PRKCQ: variants seen among roughly 807,000 people sequenced by gnomAD.
PRKCQ encodes the protein protein kinase C theta, also known as protein kinase C theta type.
A neutral mutation model predicts 91.2 loss-of-function variants in PRKCQ; 41 were observed. The ratio of observed to expected loss-of-function variants is 0.45; its 90% confidence interval spans 0.35 to 0.58. PRKCQ has a LOEUF of 0.58. PRKCQ is among the 20% of genes least tolerant of loss of function. The pLI is 0.00. For missense variants in PRKCQ, 673 were observed against 896.5 expected (o/e 0.75, Z 3.18); for synonymous variants, 307 against 316.9 (o/e 0.97, Z 0.33).
At chr10:6,444,468 T>C (rs564645852) in intron 15 of PRKCQ, among the ~76,000 whole-genome samples, 1 of 152,264 alleles carries the variant, frequency 6.6e-6, no homozygotes, top group Admixed American at 6.5e-5. Context: ...TAGTGGCACA[T>C]AAAATTTTTT....
At chr10:6,537,241 A>G (rs1382973760) in intron 1 of PRKCQ, among the ~76,000 whole-genome samples, 1 of 152,200 alleles carries the variant, frequency 6.6e-6, no homozygotes, top group Non-Finnish European at 1.5e-5. Flanking sequence ...AAAAGGACTG[A>G]AACCAATAAG....
At chr10:6,452,544 A>G (rs566850325) in intron 15 of PRKCQ, among the ~76,000 whole-genome samples, 15 of 150,822 alleles carry the variant, frequency 9.9e-5, no homozygotes, top group African/African-American at 3.7e-4. Context: ...GCTACCAATG[A>G]CTTTCTTCAC....
At chr10:6,469,131 C>T (rs999056886) in intron 12 of PRKCQ, among the ~76,000 whole-genome samples, 1 of 152,166 alleles carries the variant, frequency 6.6e-6, no homozygotes, top group African/African-American at 2.4e-5. Flanking sequence ...AGATTTGGAG[C>T]GAGTGTGCAG....
chr10:6,430,686 G>A lies in PRKCQ; in HGVS notation c.1965+124C>T, dbSNP rs1228304552. On this transcript the variant is annotated intron_variant, in intron 17 of 17. Coordinates refer to ENST00000263125, the MANE Select transcript of PRKCQ (RefSeq NM_006257.5). This position sits in a 1 kb window ranked among gnomAD's most constrained non-coding sequence, Gnocchi z 4.7. ...GTTAGAGACGTGCATTCCTCCTGGA[G>A]AGTGGGGCTGGTGGGGAGTTGGGGC... The A allele has an allele frequency of 2.9e-6, 4 of 1,373,966 alleles. No individual in the cohort carries two copies. The highest frequency in any genetic ancestry group is 4.0e-6 in the Non-Finnish European group (4 of 1,000,692). 85.1% of individuals were successfully genotyped at this position (1,373,966 alleles called of 1,614,324 possible). A position where few individuals can be genotyped will look rare whatever the true frequency, so the allele number is the denominator to read the frequency against.
chr10:6,486,993 A>T (rs1836964160), intron 8 of PRKCQ, among the ~76,000 whole-genome samples: 1 of 152,148 alleles, frequency 6.6e-6, no homozygotes, highest in Admixed American at 6.5e-5. Context: ...TCAGCTTTGA[A>T]AAAAAAATCA....
intron 8 of PRKCQ, among the ~76,000 whole-genome samples, chr10:6,486,700 C>T (rs1836940577): frequency 6.6e-6 from 1 of 152,234 alleles, no homozygotes; most frequent in African/African-American, 2.4e-5. Flanking sequence ...GCCAAGAACT[C>T]TCCTGGGCTA....
chr10:6,430,095 T>C lies in PRKCQ; in HGVS notation c.1965+715A>G, dbSNP rs1283814914. ...ACCTCGAACTCCTGACCTCAGGTGA[T>C]CCACCCGCCTCGGCTTTCCAAAGTG... is the stretch of plus-strand genomic sequence containing the variant. On this transcript the variant is annotated intron_variant, in intron 17 of 17. Coordinates refer to ENST00000263125, the MANE Select transcript of PRKCQ (RefSeq NM_006257.5). The surrounding 1 kb of genome is among the most constrained non-coding windows in gnomAD (Gnocchi z 4.7). Among the ~76,000 whole-genome samples, 1 of 152,178 alleles carries C rather than the reference T, an allele frequency of 6.6e-6. No individual in the cohort carries two copies. Among genetic ancestry groups the C allele is most frequent in the Non-Finnish European group, 1.5e-5 (1 of 68,028 alleles).
chr10:6,442,695 C>T (rs1834036761), intron 15 of PRKCQ, among the ~76,000 whole-genome samples: 1 of 152,192 alleles, frequency 6.6e-6, no homozygotes, highest in African/African-American at 2.4e-5. Flanking sequence ...GGTGCAGTGG[C>T]TCACTCCTGT....
chr10:6,555,138 G>GA (rs1840361652), intron 1 of PRKCQ, among the ~76,000 whole-genome samples: 1 of 151,980 alleles, frequency 6.6e-6, no homozygotes, highest in Non-Finnish European at 1.5e-5. Context: ...AGGTGGGAGG[G>GA]GGGGGGTCTA....
chr10:6,410,095 C>T, the PRKCQ span, among the ~76,000 whole-genome samples: 1 of 152,200 alleles, frequency 6.6e-6, no homozygotes, highest in African/African-American at 2.4e-5. Flanking sequence ...ACGAATGTCT[C>T]CACGCTCTTC....
chr10:6,395,054 G>GTTTTTTTTT, the PRKCQ span, among the ~76,000 whole-genome samples: 169 of 129,922 alleles, frequency 1.3e-3, 3 homozygotes, highest in African/African-American at 3.8e-3. Context: ...GGAAGCTGGA[G>GTTTTTTTTT]TCTTTTTTTT....
intron 1 of PRKCQ, among the ~76,000 whole-genome samples, chr10:6,523,129 C>CA (rs1225600148): frequency 6.6e-6 from 1 of 152,128 alleles, no homozygotes; most frequent in Non-Finnish European, 1.5e-5. Flanking sequence ...CTTTCACCAA[C>CA]AAAAATGATC....
the PRKCQ span, among the ~76,000 whole-genome samples, chr10:6,399,586 G>T: frequency 7.3e-3 from 1,118 of 152,170 alleles, 49 homozygotes; most frequent in East Asian, 6.0e-3. Flanking sequence ...GGAAGGTCAA[G>T]AGGCAGAAGA....
intron 15 of PRKCQ, among the ~76,000 whole-genome samples, chr10:6,451,622 C>T (rs985635778): frequency 2.6e-5 from 4 of 151,848 alleles, no homozygotes; most frequent in Non-Finnish European, 5.9e-5. Context: ...GAGACACAAC[C>T]AAAAAAGAGA....
chr10:6,511,473 C>T (rs899982967), intron 2 of PRKCQ, among the ~76,000 whole-genome samples: 1 of 152,174 alleles, frequency 6.6e-6, no homozygotes, highest in Non-Finnish European at 1.5e-5. Flanking sequence ...ACCAAAACAC[C>T]AGGCATTCTA....
chr10:6,540,765 A>G (rs1839748334), intron 1 of PRKCQ, among the ~76,000 whole-genome samples: 1 of 152,224 alleles, frequency 6.6e-6, no homozygotes, highest in African/African-American at 2.4e-5. Context: ...GAATTGCTAG[A>G]TCATGTGGTA....
chr10:6,406,823 C>T, the PRKCQ span, among the ~76,000 whole-genome samples: 11 of 152,178 alleles, frequency 7.2e-5, no homozygotes, highest in Non-Finnish European at 2.9e-5. Context: ...CACTTTTAAA[C>T]GATACTTTTC....
chr10:6,457,660 G>A (rs75659444), intron 14 of PRKCQ, among the ~76,000 whole-genome samples: 3,452 of 152,204 alleles, frequency 0.023, 104 homozygotes, highest in African/African-American at 0.065. Context: ...ACTTGGCTCA[G>A]AATGAAGCCA....
rs11258747 is a variant in PRKCQ, at chr10:6,430,929, G to C, written c.1846C>G (p.Arg616Gly). ...ACGCCCAGCCTCTTCTCAGGTTCTC[G>C]CACGAAGAGCTGAAAGGGAGCAGAG... ...AKDLLVKLFVREPEKRLGVRG... is the reference protein window; with the variant it reads ...AKDLLVKLFVGEPEKRLGVRG... The change falls in exon 17 of 18, where the codon CGA (arginine) becomes GGA (glycine). Residue 616 changes from arginine to glycine, a missense_variant. Physicochemically the swap from Arg to Gly is moderately radical, Grantham distance 125 (BLOSUM62 -2). Transcript: ENST00000263125. The surrounding 1 kb of genome is among the most constrained non-coding windows in gnomAD (Gnocchi z 4.7). 1.2e-6 allele frequency: 2 copies of C among 1,613,764 alleles called. No individual in the cohort carries two copies. Among genetic ancestry groups the C allele is most frequent in the Non-Finnish European group, 8.5e-7 (1 of 1,179,832 alleles).
Sources: gnomAD v4.1 joint callset for allele counts (sites outside exome capture counted in the v4.1 genomes callset) on GRCh38, gnomAD v4.1.1 for gene constraint, Gnocchi (gnomAD v3.1) non-coding constraint, MANE v1.5 for transcripts, NCBI Gene and HGNC (gene_info 2026-07-23, HGNC 2026-07-21) for gene names.